Variants in ASTN1 observed in about 807,000 individuals in gnomAD.
ASTN1 encodes the protein astrotactin 1, also known as astrotactin-1.
A neutral mutation model predicts 140.7 loss-of-function variants in ASTN1; 41 were observed. The observed-to-expected ratio is 0.29, with a 90% confidence interval of 0.23 to 0.38. The LOEUF (loss-of-function observed/expected upper bound fraction) is 0.38, where lower values mean the gene tolerates loss of function less well. Ranked by LOEUF, ASTN1 falls within the 10% of genes least tolerant of loss-of-function variation. ASTN1 has a pLI of 1.00. For synonymous variants in ASTN1, 640 were observed against 652.2 expected (o/e 0.98, Z 0.29); for missense variants, 1,479 against 1,678.8 (o/e 0.88, Z 2.08).
chr1:176,959,147 CA>C (rs1672544811), intron 9 of ASTN1, among the ~76,000 whole-genome samples: 1 of 152,106 alleles, frequency 6.6e-6, no homozygotes, highest in African/African-American at 2.4e-5. Flanking sequence ...ATAAAAGAAT[CA>C]ATCGGCATTT....
At chr1:177,031,003 A>G (rs1395070246) in intron 3 of ASTN1, 51 bp from the exon 4 acceptor site, 1 of 1,561,488 alleles carries the variant, frequency 6.4e-7, no homozygotes, top group Admixed American at 1.8e-5. Context: ...GACCAAAAGA[A>G]AGGGAGAAGA....
intron 1 of ASTN1, among the ~76,000 whole-genome samples, chr1:177,134,044 A>G (rs1682059777): frequency 6.6e-6 from 1 of 152,234 alleles, no homozygotes; most frequent in Admixed American, 6.5e-5. Flanking sequence ...TGCAAATAAC[A>G]GCAGCAGAAA....
intron 1 of ASTN1, among the ~76,000 whole-genome samples, chr1:177,115,106 C>T (rs1159223414): frequency 1.3e-5 from 2 of 152,044 alleles, no homozygotes; most frequent in Non-Finnish European, 2.9e-5. Flanking sequence ...CTACTCTGTT[C>T]AACAGACCAG....
chr1:177,126,611 G>T (rs1358601212), intron 1 of ASTN1, among the ~76,000 whole-genome samples: 1 of 152,260 alleles, frequency 6.6e-6, no homozygotes, highest in African/African-American at 2.4e-5. Context: ...CAAAGAGTGG[G>T]ATACCTCTGT....
chr1:177,060,932 TC>T, intron 2 of ASTN1, 145 bp downstream of exon 2: 6 of 849,774 alleles, frequency 7.1e-6, no homozygotes, highest in Non-Finnish European at 3.2e-6. Context: ...TGGATGCATT[TC>T]CCACAAATGG....
At chr1:177,055,930 A>C (rs1409683957) in intron 2 of ASTN1, among the ~76,000 whole-genome samples, 1 of 152,212 alleles carries the variant, frequency 6.6e-6, no homozygotes, top group Admixed American at 6.5e-5. Flanking sequence ...GTGCCCACAG[A>C]CACTTAATAA....
intron 8 of ASTN1, among the ~76,000 whole-genome samples, chr1:176,987,994 CT>C (rs1379202181): frequency 6.6e-6 from 1 of 152,054 alleles, no homozygotes; most frequent in Non-Finnish European, 1.5e-5. Context: ...AATGGAGTGG[CT>C]ATTGATGCTA....
At chr1:177,046,037 T>C (rs758012543) in intron 2 of ASTN1, among the ~76,000 whole-genome samples, 5 of 152,226 alleles carry the variant, frequency 3.3e-5, no homozygotes, top group Non-Finnish European at 7.3e-5. Context: ...AAGTTCTTCT[T>C]AACTTCATTC....
At chr1:176,874,459 C>T (rs562376537) in intron 21 of ASTN1, among the ~76,000 whole-genome samples, 1 of 152,312 alleles carries the variant, frequency 6.6e-6, no homozygotes, top group East Asian at 1.9e-4. Context: ...CATAATAATT[C>T]TCTAACCATT....
chr1:176,995,236 G>C (rs968135442), intron 8 of ASTN1, among the ~76,000 whole-genome samples: 1 of 152,190 alleles, frequency 6.6e-6, no homozygotes, highest in Non-Finnish European at 1.5e-5. Flanking sequence ...CCCTGAACTT[G>C]CAGCTTGGGA....
intron 16 of ASTN1, among the ~76,000 whole-genome samples, chr1:176,910,863 A>G (rs1193101960): frequency 6.6e-6 from 1 of 152,078 alleles, no homozygotes; most frequent in African/African-American, 2.4e-5. Flanking sequence ...TAGAAATGCA[A>G]CTCTATTGTG....
chr1:176,879,992 T>C (rs1239315577), intron 20 of ASTN1, among the ~76,000 whole-genome samples: 4 of 152,174 alleles, frequency 2.6e-5, no homozygotes, highest in African/African-American at 9.7e-5. Flanking sequence ...ACCGTTAGCG[T>C]TATCGTTTCT....
chr1:176,981,821 A>T (rs1362331485), intron 8 of ASTN1: 1 of 152,640 alleles, frequency 6.6e-6, no homozygotes, highest in Non-Finnish European at 1.5e-5. Flanking sequence ...AGTCGTTTTA[A>T]TGAGGCAGCA....
intron 22 of ASTN1, 54 bp downstream of exon 22, chr1:176,868,790 G>T: frequency 6.6e-7 from 1 of 1,514,210 alleles, no homozygotes; most frequent in South Asian, 1.3e-5. Context: ...TACGGCACAA[G>T]AGGTACAAAA....
intron 1 of ASTN1, among the ~76,000 whole-genome samples, chr1:177,080,664 A>G (rs1290772332): frequency 6.6e-6 from 1 of 152,186 alleles, no homozygotes; most frequent in Non-Finnish European, 1.5e-5. Flanking sequence ...TTGGAGTCAC[A>G]GAGGAATTTC....
chr1:177,093,468 C>T (rs1679873427), intron 1 of ASTN1, among the ~76,000 whole-genome samples: 1 of 152,048 alleles, frequency 6.6e-6, no homozygotes. Context: ...ATTATTTTAC[C>T]AACCTAAAAA....
At chr1:176,959,149 A>G (rs1672544945) in intron 9 of ASTN1, among the ~76,000 whole-genome samples, 1 of 152,216 alleles carries the variant, frequency 6.6e-6, no homozygotes, top group Admixed American at 6.5e-5. Context: ...AAAAGAATCA[A>G]TCGGCATTTC....
intron 8 of ASTN1, among the ~76,000 whole-genome samples, chr1:177,009,892 G>C (rs895587929): frequency 2.0e-5 from 3 of 152,122 alleles, no homozygotes; most frequent in Non-Finnish European, 4.4e-5. Flanking sequence ...TCTCTCTAGT[G>C]GGGAATCTCC....
At chr1:176,874,219 C>T (rs1371263802) in intron 21 of ASTN1, among the ~76,000 whole-genome samples, 5 of 152,208 alleles carry the variant, frequency 3.3e-5, no homozygotes, top group African/African-American at 1.2e-4. Flanking sequence ...TGTCATGGGT[C>T]CTCTGCAGAC....
Sources: allele counts gnomAD v4.1 joint callset (sites outside exome capture counted in the v4.1 genomes callset), GRCh38; gene constraint gnomAD v4.1.1; transcripts MANE v1.5; gene names NCBI Gene and HGNC (gene_info 2026-07-23, HGNC 2026-07-21).